Variants in GFRA2 observed in about 807,000 individuals in gnomAD.
GFRA2 encodes the protein GDNF family receptor alpha-2.
In GFRA2, 17 loss-of-function variants were observed where a neutral mutation model predicts 48.3. The ratio of observed to expected loss-of-function variants is 0.35; its 90% confidence interval spans 0.24 to 0.53. The LOEUF is 0.53. Among genes scored for constraint, GFRA2 ranks in the 20% least tolerant of loss-of-function variants. The probability of loss-of-function intolerance (pLI) is 0.93; values close to 1 mark genes in which losing one functional copy is unlikely to be tolerated. For synonymous variants in GFRA2, 305 were observed against 257.2 expected (o/e 1.19, Z -1.78); for missense variants, 660 against 637.3 (o/e 1.04, Z -0.38).
At position 21,780,109 on chromosome 8, in the gene GFRA2, GGAAA is replaced by G. The variant is rs1234922352; in HGVS notation, c.355+2472_355+2475del. ...TCTCTCCTCTTTACACCAAAATTCTGGAAAGAGTCATCTGCATTCATCACTCCCA... is the reference window on the plus strand; with the variant it reads ...TCTCTCCTCTTTACACCAAAATTCTGGAGTCATCTGCATTCATCACTCCCA... On this transcript the variant is annotated intron_variant, in intron 2 of 8. Transcript: ENST00000524240. Among the ~76,000 whole-genome samples the G allele has an allele frequency of 4.0e-5, 6 of 150,958 alleles. 1 individual carries two copies. Among genetic ancestry groups the G allele is most frequent in the East Asian group, 2.0e-4 (1 of 5,126 alleles).
At chr8:21,800,748 G>C (rs1376841357) in intron 2 of GFRA2, among the ~76,000 whole-genome samples, 1 of 152,060 alleles carries the variant, frequency 6.6e-6, no homozygotes, top group Non-Finnish European at 1.5e-5. Flanking sequence ...AACACGGTGA[G>C]ACCCCATCTC....
Position 21,759,485 on chromosome 8 carries a change from A to AGAAGGAAGGAAGGAAGGAAG in GFRA2, c.440-8563_440-8544dup, listed in dbSNP as rs1161834899. 1.4e-3 allele frequency among the ~76,000 whole-genome samples: 100 copies of AGAAGGAAGGAAGGAAGGAAG among 71,794 alleles called. 1 individual carries two copies. The highest frequency in any genetic ancestry group is 1.9e-3 in the Admixed American group (11 of 5,666). The allele number at this position is 71,794 out of a possible 152,430, so 47.1% of individuals were successfully genotyped here. ...GGGAGGGAGGGAGGGAAAGAAGGAA[A>AGAAGGAAGGAAGGAAGGAAG]GAAGGAAGGAAGGAAGGAAGGAAGG... On this transcript the variant is annotated intron_variant, in intron 3 of 8. Transcript: ENST00000524240.
intron 4 of GFRA2, among the ~76,000 whole-genome samples, chr8:21,721,525 G>T (rs908651282): frequency 6.6e-6 from 1 of 152,164 alleles, no homozygotes; most frequent in Non-Finnish European, 1.5e-5. Flanking sequence ...AGGAGGATTT[G>T]GGTCAAAACG....
chr8:21,751,001 G>T, intron 3 of GFRA2, 59 bp from the exon 4 acceptor site: 3 of 1,118,392 alleles, frequency 2.7e-6, no homozygotes, highest in Non-Finnish European at 3.9e-6. Context: ...GGACACAGCT[G>T]CCCCCTCACT....
intron 4 of GFRA2, among the ~76,000 whole-genome samples, chr8:21,719,680 C>G (rs1018942581): frequency 6.6e-6 from 1 of 152,188 alleles, no homozygotes; most frequent in African/African-American, 2.4e-5. Flanking sequence ...AGGTAGCCAG[C>G]CAGCTGAAAG....
chr8:21,724,882 C>T (rs1803782580), intron 4 of GFRA2, among the ~76,000 whole-genome samples: 1 of 152,146 alleles, frequency 6.6e-6, no homozygotes, highest in Admixed American at 6.5e-5. Flanking sequence ...CTCTCTGGGA[C>T]ACATACGATG....
intron 3 of GFRA2, among the ~76,000 whole-genome samples, chr8:21,760,777 G>C (rs1390382558): frequency 1.3e-5 from 2 of 152,142 alleles, no homozygotes; most frequent in Non-Finnish European, 2.9e-5. Context: ...ACAAAGAAGA[G>C]GAAACAAGTC....
intron 1 of GFRA2, among the ~76,000 whole-genome samples, chr8:21,807,412 CAA>C (rs1421198825): frequency 6.6e-6 from 1 of 152,194 alleles, no homozygotes; most frequent in Admixed American, 6.5e-5. Flanking sequence ...AACCATAAGA[CAA>C]ATAAACTTCT....
At chr8:21,722,932 C>T (rs1803676660) in intron 4 of GFRA2, among the ~76,000 whole-genome samples, 1 of 152,178 alleles carries the variant, frequency 6.6e-6, no homozygotes, top group Non-Finnish European at 1.5e-5. Flanking sequence ...ACCAATGCCT[C>T]CCTACATGGA....
intron 7 of GFRA2, among the ~76,000 whole-genome samples, chr8:21,695,620 G>A (rs1285446770): frequency 6.6e-6 from 1 of 152,108 alleles, no homozygotes; most frequent in African/African-American, 2.4e-5. Context: ...GTGATGCCCA[G>A]CCAACTCCCC....
At chr8:21,773,495 T>G (rs1806538404) in intron 3 of GFRA2, among the ~76,000 whole-genome samples, 1 of 152,218 alleles carries the variant, frequency 6.6e-6, no homozygotes, top group Non-Finnish European at 1.5e-5. Context: ...TAGAGCGTGC[T>G]TTCTCCACGG....
chr8:21,764,839 C>T (rs1383521338), intron 3 of GFRA2, among the ~76,000 whole-genome samples: 1 of 152,172 alleles, frequency 6.6e-6, no homozygotes, highest in Non-Finnish European at 1.5e-5. Flanking sequence ...CTACCCAGCC[C>T]CCTATTTCAC....
chr8:21,778,781 G>C (rs1395821534), intron 2 of GFRA2, among the ~76,000 whole-genome samples: 3 of 152,154 alleles, frequency 2.0e-5, no homozygotes, highest in African/African-American at 7.2e-5. Context: ...TAGCTTCTCG[G>C]GAGGCTGAGG....
intron 2 of GFRA2, among the ~76,000 whole-genome samples, chr8:21,781,523 C>T (rs1806984315): frequency 6.6e-6 from 1 of 152,178 alleles, no homozygotes; most frequent in African/African-American, 2.4e-5. Context: ...GAGCCTGTCT[C>T]TTCCAGGAAG....
intron 3 of GFRA2, among the ~76,000 whole-genome samples, chr8:21,762,262 A>T (rs965877898): frequency 6.6e-6 from 1 of 152,106 alleles, no homozygotes; most frequent in Non-Finnish European, 1.5e-5. Context: ...GAAGCAATAC[A>T]TCAGTGTCCC....
At chr8:21,698,335 A>G (rs1039777917) in intron 7 of GFRA2, among the ~76,000 whole-genome samples, 4 of 152,190 alleles carry the variant, frequency 2.6e-5, no homozygotes, top group African/African-American at 9.7e-5. Context: ...CAGAAAGAAG[A>G]AGGACAGTGG....
At chr8:21,752,726 G>A (rs1010357953) in intron 3 of GFRA2, among the ~76,000 whole-genome samples, 4 of 151,950 alleles carry the variant, frequency 2.6e-5, no homozygotes, top group South Asian at 2.1e-4. Context: ...ACCCAACCCC[G>A]TATTTCCCCC....
intron 2 of GFRA2, among the ~76,000 whole-genome samples, chr8:21,795,426 T>C (rs746777836): frequency 8.3e-4 from 126 of 152,000 alleles, no homozygotes; most frequent in Non-Finnish European, 1.4e-3. Flanking sequence ...AGAGTCTCAG[T>C]CTGTCACCTA....
chr8:21,767,225 C>T (rs1286080010), intron 3 of GFRA2, among the ~76,000 whole-genome samples: 5 of 151,452 alleles, frequency 3.3e-5, no homozygotes, highest in Admixed American at 2.6e-4. Context: ...CAAACACACA[C>T]ACACACCACC....
Sources: allele counts gnomAD v4.1 joint callset (sites outside exome capture counted in the v4.1 genomes callset), GRCh38; gene constraint gnomAD v4.1.1; transcripts MANE v1.5; gene names NCBI Gene and HGNC (gene_info 2026-07-23, HGNC 2026-07-21).